Variants in WDTC1 observed in about 807,000 individuals in gnomAD.
The protein encoded by WDTC1 is WD and tetratricopeptide repeats protein 1.
A neutral mutation model predicts 76.0 loss-of-function variants in WDTC1; 12 were observed. That is an observed-to-expected ratio of 0.16 (90% CI 0.10 to 0.26). WDTC1 has a LOEUF of 0.26. WDTC1 is among the 10% of genes least tolerant of loss of function. The pLI, the probability that WDTC1 is intolerant of heterozygous loss-of-function variation, is 1.00. For missense variants in WDTC1, 511 were observed against 908.8 expected, an observed-to-expected ratio of 0.56 and a Z score of 5.63; for synonymous variants, 326 against 350.8, an observed-to-expected ratio of 0.93 and a Z score of 0.79.
rs1359642167 is a variant in WDTC1 at position 27,305,077 on chromosome 1, C to T, written c.1720C>T (p.Arg574Cys). ...GGAAAAGGAGACCACCAACCTGGTC[C>T]GTGTGCTCCAAGGGGATGAGTCCAT... ...IWEKETTNLV[R>C]VLQGDESIVN... The change falls in exon 15 of 16, where the codon CGT (arginine) becomes TGT (cysteine). Residue 574 changes from arginine (R) to cysteine (C), a missense_variant. Arg to Cys is a radical substitution (Grantham distance 180, BLOSUM62 -3). Transcript: ENST00000319394. This position sits in a 1 kb window ranked among gnomAD's most constrained non-coding sequence, Gnocchi z 4.6. The T allele has an allele frequency of 1.2e-6, 2 of 1,613,986 alleles. No homozygotes were observed. Among genetic ancestry groups the T allele is most frequent in the Non-Finnish European group, 1.7e-6 (2 of 1,180,010 alleles).
chr1:27,253,528 T>C (rs1238872820), intron 1 of WDTC1, among the ~76,000 whole-genome samples: 1 of 148,264 alleles, frequency 6.7e-6, no homozygotes, highest in East Asian at 2.0e-4. Flanking sequence ...TTTTTTTTTT[T>C]AACCGACAAG....
At chr1:27,288,991 C>G (rs776074005) in intron 6 of WDTC1, among the ~76,000 whole-genome samples, 6 of 147,528 alleles carry the variant, frequency 4.1e-5, no homozygotes, top group Admixed American at 1.3e-4. Flanking sequence ...TGACCCCCCC[C>G]CCACCTCCCT....
At position 27,234,891 on chromosome 1, in the gene WDTC1, C is replaced by A. The variant is rs565122244; in HGVS notation, c.-160C>A. ...CCTTCCCGGGAGAGGGGCCGCCCCC[C>A]CCGGACGGACATGGGCTCCTGAAGT... On this transcript the variant is annotated 5_prime_UTR_variant, in exon 1 of 16. Coordinates refer to ENST00000319394, the MANE Select transcript of WDTC1 (RefSeq NM_001276252.2). 786 of 395,780 alleles carry A rather than the reference C, an allele frequency of 2.0e-3. 2 individuals carry two copies. Among genetic ancestry groups the A allele is most frequent in the African/African-American group, 0.015 (719 of 48,524 alleles). The allele number at this position is 395,780 out of a possible 1,614,324, so 24.5% of individuals were successfully genotyped here.
At position 27,283,390 on chromosome 1, in the gene WDTC1, C is replaced by T. The variant is rs1236954121; in HGVS notation, c.232C>T (p.His78Tyr). The T allele has an allele frequency of 6.2e-7, 1 of 1,613,758 alleles. No individual in the cohort carries two copies. The highest frequency in any genetic ancestry group is 1.7e-5 in the Admixed American group (1 of 60,018). The change falls in exon 5 of 16, where the codon CAC becomes TAC. Residue 78 changes from histidine to tyrosine, a missense_variant. Transcript: ENST00000319394. ...GCACACGATTGTGTGGGACCCGCTG[C>T]ACCACAAGAAGCTGCTCTCCATGCA... ...DQHTIVWDPLHHKKLLSMHTG... is the reference protein window; with the variant it reads ...DQHTIVWDPLYHKKLLSMHTG...
chr1:27,265,287 A>G (rs1414402708), intron 3 of WDTC1, among the ~76,000 whole-genome samples: 1 of 152,218 alleles, frequency 6.6e-6, no homozygotes, highest in African/African-American at 2.4e-5. Context: ...ATACAAAAGC[A>G]GATGAGAATC....
intron 1 of WDTC1, among the ~76,000 whole-genome samples, chr1:27,237,887 A>G (rs2147894999): frequency 6.6e-6 from 1 of 151,312 alleles, no homozygotes; most frequent in African/African-American, 2.4e-5. Context: ...AAAAGAAAAG[A>G]AAAAAAAGAA....
At chr1:27,296,456 A>G (rs952202627) in intron 10 of WDTC1, 55 bp downstream of exon 10, 1 of 1,573,478 alleles carries the variant, frequency 6.4e-7, no homozygotes, top group Non-Finnish European at 8.7e-7. Context: ...GCTTAAGTGC[A>G]TGCTACACCT....
chr1:27,290,286 G>A (rs2013501545), intron 6 of WDTC1, among the ~76,000 whole-genome samples: 1 of 152,042 alleles, frequency 6.6e-6, no homozygotes, highest in African/African-American at 2.4e-5. Context: ...GTTTCTCTGT[G>A]TTGCCCAGGC....
At chr1:27,243,538 G>A (rs528298524) in intron 1 of WDTC1, among the ~76,000 whole-genome samples, 1 of 152,132 alleles carries the variant, frequency 6.6e-6, no homozygotes, top group South Asian at 2.1e-4. Context: ...GTGGCCAATG[G>A]CCTGGCCCCT....
intron 5 of WDTC1, among the ~76,000 whole-genome samples, chr1:27,284,787 A>C (rs1160016557): frequency 6.6e-6 from 1 of 151,634 alleles, no homozygotes; most frequent in Non-Finnish European, 1.5e-5. Context: ...AAACAACCTG[A>C]AAAGGATTCT....
intron 1 of WDTC1, among the ~76,000 whole-genome samples, chr1:27,245,572 G>C (rs1251259266): frequency 6.9e-6 from 1 of 145,342 alleles, no homozygotes; most frequent in Non-Finnish European, 1.5e-5. Context: ...TTTTTTTTTT[G>C]TTTGTTTGTA....
chr1:27,265,659 A>C (rs941528416), intron 3 of WDTC1, among the ~76,000 whole-genome samples: 2 of 151,978 alleles, frequency 1.3e-5, no homozygotes, highest in African/African-American at 4.8e-5. Flanking sequence ...TAAAAAAAAA[A>C]AAATTGCTGG....
In WDTC1 at chr1:27,306,250, G is replaced by A. The variant is rs1557512792; in HGVS notation, c.1901G>A (p.Arg634His). 1.9e-6 allele frequency: 3 copies of A among 1,614,096 alleles called. No homozygotes were observed. Among genetic ancestry groups the A allele is most frequent in the Non-Finnish European group, 2.5e-6 (3 of 1,180,030 alleles). ...GGTGCTTCACAGGCCAACCAGCGGC[G>A]CATGAATGCAGACCCGTTGGAGGTG... ...MEGASQANQR[R>H]MNADPLEVML... The change falls in exon 16 of 16, where the codon CGC (arginine) becomes CAC (histidine). Residue 634 changes from arginine to histidine, a missense_variant. Coordinates refer to ENST00000319394, the MANE Select transcript of WDTC1 (RefSeq NM_001276252.2). This position sits in a 1 kb window ranked among gnomAD's most constrained non-coding sequence, Gnocchi z 5.0.
At chr1:27,264,458 AAAAAACCAAAACC>A (rs1183916089) in intron 3 of WDTC1, among the ~76,000 whole-genome samples, 1 of 152,018 alleles carries the variant, frequency 6.6e-6, no homozygotes, top group Non-Finnish European at 1.5e-5. Context: ...TGTTTAAAAA[AAAAAACCAAAACC>A]AAAAACCAGA....
chr1:27,265,564 T>C (rs964548986), intron 3 of WDTC1, among the ~76,000 whole-genome samples: 1 of 151,750 alleles, frequency 6.6e-6, no homozygotes, highest in Admixed American at 6.6e-5. Context: ...AATGGGAGAA[T>C]CACTTGGGCC....
Position 27,306,334 on chromosome 1 carries a change from CTGA to C in WDTC1, c.1992_1994del (p.Asp664del). ...CTGAGCAGTGGGGGTGCCGGGGCCT[CTGA>C]TGATGAGGACAGCTCTGAGGGCCAG... On this transcript the variant is annotated inframe_deletion, in exon 16 of 16. Transcript: ENST00000319394. The surrounding 1 kb of genome is among the most constrained non-coding windows in gnomAD (Gnocchi z 5.0). 6.2e-7 allele frequency: 1 copy of C among 1,613,888 alleles called. No individual in the cohort carries two copies. Among genetic ancestry groups the C allele is most frequent in the Non-Finnish European group, 8.5e-7 (1 of 1,180,016 alleles).
intron 3 of WDTC1, among the ~76,000 whole-genome samples, chr1:27,265,495 A>T (rs578217099): frequency 1.1e-4 from 17 of 152,086 alleles, no homozygotes; most frequent in Admixed American, 4.6e-4. Context: ...AACATTTTTT[A>T]AAAAATGAAT....
intron 8 of WDTC1, 108 bp from the exon 9 acceptor site, chr1:27,294,406 T>TTTA (rs1229955822): frequency 2.9e-6 from 3 of 1,017,940 alleles, no homozygotes; most frequent in Non-Finnish European, 4.5e-6. Flanking sequence ...TGTAGCTGCT[T>TTTA]TTATGCTAAA....
At chr1:27,247,295 G>A (rs967862361) in intron 1 of WDTC1, among the ~76,000 whole-genome samples, 1 of 152,028 alleles carries the variant, frequency 6.6e-6, no homozygotes, top group African/African-American at 2.4e-5. Flanking sequence ...GACCTTAAGT[G>A]ATCCACCTGC....
Sources: allele counts gnomAD v4.1 joint callset (sites outside exome capture counted in the v4.1 genomes callset), GRCh38; gene constraint gnomAD v4.1.1; non-coding constraint Gnocchi (gnomAD v3.1); transcripts MANE v1.5; gene names NCBI Gene and HGNC (gene_info 2026-07-23, HGNC 2026-07-21).